AEBP2: variants seen among roughly 807,000 people sequenced by gnomAD.
The protein encoded by AEBP2 is zinc finger protein AEBP2.
Under a neutral mutation model 50.8 loss-of-function variants are expected in AEBP2, and 10 were observed. The observed-to-expected ratio is 0.20, with a 90% CI of 0.12 to 0.33. The LOEUF (loss-of-function observed/expected upper bound fraction) is 0.33, where lower values mean the gene tolerates loss of function less well. Among genes scored for constraint, AEBP2 ranks in the 10% least tolerant of loss-of-function variants. The probability of loss-of-function intolerance (pLI) is 1.00; values close to 1 mark genes in which losing one functional copy is unlikely to be tolerated. For synonymous variants in AEBP2, 296 were observed against 261.3 expected, an observed-to-expected ratio of 1.13 and a Z score of -1.28; for missense variants, 570 against 688.0, an observed-to-expected ratio of 0.83 and a Z score of 1.92.
At chr12:19,496,701 A>C (rs1948987202) in intron 4 of AEBP2, among the ~76,000 whole-genome samples, 1 of 145,944 alleles carries the variant, frequency 6.9e-6, no homozygotes, top group African/African-American at 2.5e-5. Flanking sequence ...TCTCTCTGTC[A>C]CCCAGGCTGG....
chr12:19,497,160 C>CT (rs1948995225), intron 4 of AEBP2, among the ~76,000 whole-genome samples: 1 of 151,526 alleles, frequency 6.6e-6, no homozygotes, highest in African/African-American at 2.4e-5. Context: ...TACCTATATA[C>CT]TTTTTTGGTC....
chr12:19,411,291 G>A (rs191493111), intron 1 of AEBP2, among the ~76,000 whole-genome samples: 30 of 152,314 alleles, frequency 2.0e-4, no homozygotes, highest in Middle Eastern at 3.4e-3. Flanking sequence ...CTATCCAGCT[G>A]ATTTACTAAT....
At chr12:19,413,240 G>A in intron 1 of AEBP2, 1 of 897,386 alleles carries the variant, frequency 1.1e-6, no homozygotes, top group Non-Finnish European at 1.9e-6. Context: ...GGATCAGTCG[G>A]CCGGGCCAGG....
At chr12:19,447,804 TTA>T (rs981096963) in intron 1 of AEBP2, among the ~76,000 whole-genome samples, 1 of 152,226 alleles carries the variant, frequency 6.6e-6, no homozygotes, top group African/African-American at 2.4e-5. Flanking sequence ...GGCAAATTGT[TTA>T]TTTCTGTGAA....
At chr12:19,405,865 C>G (rs1310415378) in intron 1 of AEBP2, among the ~76,000 whole-genome samples, 1 of 151,820 alleles carries the variant, frequency 6.6e-6, no homozygotes, top group Non-Finnish European at 1.5e-5. Flanking sequence ...TACAGTGGGC[C>G]ATCTCAGCTC....
chr12:19,514,639 A>G lies in AEBP2; in HGVS notation c.1368-32A>G, dbSNP rs1949292312. Reference sequence around the variant, plus strand: ...GAAGTGTAAATCTAAAATTAATGTTACTTTATTATTGACTTGTTTTTTAAT... The same window carrying G: ...GAAGTGTAAATCTAAAATTAATGTTGCTTTATTATTGACTTGTTTTTTAAT... On this transcript the variant is annotated intron_variant, in intron 6 of 7. Transcript: ENST00000266508. 2.0e-6 allele frequency: 3 copies of G among 1,477,860 alleles called. No homozygotes were observed. In the Admixed American group the frequency reaches 6.0e-5, roughly 30 times the overall value. 91.5% of individuals were successfully genotyped at this position (1,477,860 alleles called of 1,614,324 possible).
intron 5 of AEBP2, among the ~76,000 whole-genome samples, chr12:19,511,542 G>T (rs1430506572): frequency 1.3e-5 from 2 of 152,200 alleles, no homozygotes; most frequent in Admixed American, 1.3e-4. Context: ...GGAAAGTGAT[G>T]CTACTGAATT....
intron 1 of AEBP2, among the ~76,000 whole-genome samples, chr12:19,451,248 G>A (rs1948162118): frequency 6.6e-6 from 1 of 152,046 alleles, no homozygotes; most frequent in Non-Finnish European, 1.5e-5. Context: ...TGCTCTACTT[G>A]GTATCAGCTC....
intron 1 of AEBP2, chr12:19,440,873 A>T (rs1947945529): frequency 2.0e-6 from 2 of 1,022,200 alleles, no homozygotes; most frequent in South Asian, 1.6e-5. Context: ...ACTTAAACAA[A>T]AAAAGGACTG....
chr12:19,457,615 C>G (rs1309350404), intron 1 of AEBP2: 1 of 1,467,682 alleles, frequency 6.8e-7, no homozygotes, highest in Non-Finnish European at 9.0e-7. Context: ...TGTCCAATGA[C>G]GACAATGTGG....
rs1171921996 is a variant in AEBP2, at chr12:19,428,926, C to T, written c.-17+24710C>T. Among the ~76,000 whole-genome samples, 3 of 152,112 alleles carry T rather than the reference C, an allele frequency of 2.0e-5. No individual in the cohort carries two copies. The East Asian group carries it at 5.8e-4, about 29-fold the overall frequency. On this transcript the variant is annotated intron_variant, in intron 1 of 3. Transcript: ENST00000538425. ...GGCCAAAGTGAGAGGACTGCTTGAG[C>T]CCAGGAGTTCGAGCCCAGCCTGGGC... is the stretch of plus-strand genomic sequence containing the variant.
intron 5 of AEBP2, among the ~76,000 whole-genome samples, chr12:19,504,423 G>C (rs1949126346): frequency 6.7e-6 from 1 of 150,352 alleles, no homozygotes; most frequent in Admixed American, 6.7e-5. Flanking sequence ...ATTTTTTTTA[G>C]TAGAGACGGG....
At chr12:19,463,617 TCCA>T (rs1263498182) in intron 2 of AEBP2, among the ~76,000 whole-genome samples, 2 of 151,064 alleles carry the variant, frequency 1.3e-5, no homozygotes, top group Non-Finnish European at 3.0e-5. Flanking sequence ...TTTTTAAACA[TCCA>T]ACCGGGTCAA....
At chr12:19,445,456 C>T (rs558935536) in intron 1 of AEBP2, among the ~76,000 whole-genome samples, 3 of 151,894 alleles carry the variant, frequency 2.0e-5, no homozygotes, top group African/African-American at 4.8e-5. Flanking sequence ...TCAAATGATC[C>T]GCTTGCCTCG....
intron 1 of AEBP2, among the ~76,000 whole-genome samples, chr12:19,424,334 G>A (rs2095747359): frequency 6.6e-6 from 1 of 152,114 alleles, no homozygotes; most frequent in Admixed American, 6.5e-5. Context: ...CACAGTAGAG[G>A]ACATGAAAGA....
At chr12:19,442,134 GCGGTGGCTCAGGC>G (rs1565704152) in intron 1 of AEBP2, among the ~76,000 whole-genome samples, 1 of 152,144 alleles carries the variant, frequency 6.6e-6, no homozygotes, top group Admixed American at 6.5e-5. Flanking sequence ...GAGGCCGGGC[GCGGTGGCTCAGGC>G]CTGTTAACCC....
upstream of AEBP2, among the ~76,000 whole-genome samples, chr12:19,436,406 C>T (rs1408757343): frequency 6.6e-6 from 1 of 152,136 alleles, no homozygotes; most frequent in African/African-American, 2.4e-5. Context: ...CAGTGCTGCT[C>T]TGTCTATGGA....
intron 1 of AEBP2, among the ~76,000 whole-genome samples, chr12:19,404,708 C>G (rs767220975): frequency 1.3e-5 from 2 of 152,134 alleles, no homozygotes; most frequent in Non-Finnish European, 2.9e-5. Flanking sequence ...AACGTTGGGT[C>G]TGGCTCGTGG....
intron 1 of AEBP2, among the ~76,000 whole-genome samples, chr12:19,458,578 A>G (rs1408311075): frequency 2.0e-5 from 3 of 152,210 alleles, no homozygotes; most frequent in East Asian, 1.9e-4. Flanking sequence ...AGACTCAACA[A>G]TGATTACCGT....
Sources: gnomAD v4.1 joint callset for allele counts (sites outside exome capture counted in the v4.1 genomes callset) on GRCh38, gnomAD v4.1.1 for gene constraint, MANE v1.5 for transcripts, NCBI Gene and HGNC (gene_info 2026-07-23, HGNC 2026-07-21) for gene names.